Variants in JARID2 observed in about 807,000 individuals in gnomAD.
The protein encoded by JARID2 is jumonji and AT-rich interaction domain containing 2, also known as protein Jumonji.
A neutral mutation model predicts 125.6 loss-of-function variants in JARID2; 21 were observed. The ratio of observed to expected loss-of-function variants is 0.17; its 90% CI spans 0.12 to 0.24. The LOEUF (loss-of-function observed/expected upper bound fraction) is 0.24. JARID2 is among the 10% of genes least tolerant of loss of function. The pLI is 1.00. For missense variants in JARID2, 1,303 were observed against 1,639.6 expected (o/e 0.79, Z 3.55); for synonymous variants, 736 against 661.6 (o/e 1.11, Z -1.73).
chr6:15,351,171 G>A (rs1487878957), intron 1 of JARID2, among the ~76,000 whole-genome samples: 2 of 152,180 alleles, frequency 1.3e-5, no homozygotes, highest in African/African-American at 4.8e-5. Flanking sequence ...GGAAAATAGA[G>A]GTCACCCCAG....
chr6:15,438,954 C>T (rs1163761534), intron 3 of JARID2, among the ~76,000 whole-genome samples: 3 of 151,706 alleles, frequency 2.0e-5, no homozygotes, highest in Non-Finnish European at 4.4e-5. Flanking sequence ...ATCGCTTCAA[C>T]CCGGAAGGGG....
chr6:15,421,643 T>C (rs185014416), intron 3 of JARID2, among the ~76,000 whole-genome samples: 22 of 152,350 alleles, frequency 1.4e-4, no homozygotes, highest in African/African-American at 5.1e-4. Context: ...TTAATTCTTT[T>C]GAAATACCTG....
intron 6 of JARID2, 42 bp from the exon 7 acceptor site, chr6:15,496,090 A>T (rs773148441): frequency 1.3e-6 from 2 of 1,534,362 alleles, no homozygotes; most frequent in South Asian, 2.5e-5. Flanking sequence ...GGCAGGTACT[A>T]ATTCTGCGTT....
At chr6:15,257,424 C>T (rs1202269628) in intron 1 of JARID2, among the ~76,000 whole-genome samples, 1 of 152,130 alleles carries the variant, frequency 6.6e-6, no homozygotes, top group Non-Finnish European at 1.5e-5. Flanking sequence ...TTTTTGTTAC[C>T]TCCTGTTTGC....
At chr6:15,321,533 C>T (rs1190877193) in intron 1 of JARID2, among the ~76,000 whole-genome samples, 1 of 152,132 alleles carries the variant, frequency 6.6e-6, no homozygotes, top group Admixed American at 6.5e-5. Context: ...GCAGTGAAAT[C>T]AAGATCTCTA....
rs527591088 is a variant in JARID2 at position 15,506,496 on chromosome 6, C to T, written c.2542-640C>T. ...TGGGGGCTTATGAGTTAGGCTTCTT[C>T]CCTAAATGTGGTTCCAGCTTTACCA... is the stretch of plus-strand genomic sequence containing the variant. On this transcript the variant is annotated intron_variant, in intron 9 of 17. Transcript: ENST00000341776. Among the ~76,000 whole-genome samples the T allele has an allele frequency of 1.3e-5, 2 of 152,258 alleles. 1 individual carries two copies. Among genetic ancestry groups the T allele is most frequent in the South Asian group, 4.1e-4 (2 of 4,824 alleles).
chr6:15,436,141 C>T (rs1767191503), intron 3 of JARID2, among the ~76,000 whole-genome samples: 1 of 152,106 alleles, frequency 6.6e-6, no homozygotes, highest in African/African-American at 2.4e-5. Flanking sequence ...TGTCTATAGG[C>T]GGCTTGTGTT....
intron 4 of JARID2, among the ~76,000 whole-genome samples, chr6:15,456,576 A>G (rs1025466306): frequency 6.6e-6 from 1 of 151,926 alleles, no homozygotes; most frequent in African/African-American, 2.4e-5. Flanking sequence ...GAGTCATCCT[A>G]GCTTTAAAAT....
chr6:15,513,111 G>C, intron 15 of JARID2, 66 bp downstream of exon 15: 2 of 1,606,674 alleles, frequency 1.2e-6, no homozygotes, highest in Admixed American at 3.4e-5. Context: ...CTCACCCCCC[G>C]AGCAGGCCTC....
chr6:15,392,680 C>CTTTTTTTTTTTTTTT (rs35429221), intron 2 of JARID2, among the ~76,000 whole-genome samples: 2 of 120,900 alleles, frequency 1.7e-5, no homozygotes, highest in African/African-American at 6.5e-5. Context: ...GATTAAGAGA[C>CTTTTTTTTTTTTTTT]TTTTTTTTTT....
chr6:15,322,691 T>C (rs1023801434), intron 1 of JARID2, among the ~76,000 whole-genome samples: 1 of 152,182 alleles, frequency 6.6e-6, no homozygotes, highest in Non-Finnish European at 1.5e-5. Context: ...CTTCTCTCTT[T>C]AAGTCATTTA....
intron 3 of JARID2, among the ~76,000 whole-genome samples, chr6:15,439,092 A>G (rs72836328): frequency 0.014 from 2,158 of 150,172 alleles, 18 homozygotes; most frequent in Non-Finnish European, 0.022. Flanking sequence ...GGAACAGGGG[A>G]GAATGAGGCA....
chr6:15,254,080 C>T (rs890538069), intron 1 of JARID2, among the ~76,000 whole-genome samples: 3 of 152,164 alleles, frequency 2.0e-5, no homozygotes, highest in African/African-American at 7.2e-5. Flanking sequence ...GCAGTTTTGT[C>T]AGAAGTGTCC....
At chr6:15,382,915 A>C (rs1313060035) in intron 2 of JARID2, among the ~76,000 whole-genome samples, 1 of 152,060 alleles carries the variant, frequency 6.6e-6, no homozygotes, top group Non-Finnish European at 1.5e-5. Flanking sequence ...TTACATCATC[A>C]TTCCCATCCA....
chr6:15,248,837 C>G (rs1452289027), intron 1 of JARID2: 1 of 883,918 alleles, frequency 1.1e-6, no homozygotes, highest in Non-Finnish European at 1.4e-6. Flanking sequence ...GGCGGGGCGG[C>G]GGGGGGAGGA....
At chr6:15,272,981 G>A (rs1054946265) in intron 1 of JARID2, among the ~76,000 whole-genome samples, 4 of 152,084 alleles carry the variant, frequency 2.6e-5, no homozygotes, top group Non-Finnish European at 5.9e-5. Context: ...TCTTCCTGGA[G>A]TTAGGTTAAG....
At chr6:15,370,746 C>G (rs973991981) in intron 1 of JARID2, among the ~76,000 whole-genome samples, 2 of 152,158 alleles carry the variant, frequency 1.3e-5, no homozygotes, top group South Asian at 4.1e-4. Context: ...TTCTTCTGGC[C>G]TTCCTCTCCC....
chr6:15,512,716 G>A (rs1771339240), intron 14 of JARID2, among the ~76,000 whole-genome samples, 199 bp from the exon 15 acceptor site: 2 of 152,024 alleles, frequency 1.3e-5, no homozygotes. Context: ...GCTGCCTCTG[G>A]GTAGCGGCGA....
chr6:15,359,597 A>C (rs1427980532), intron 1 of JARID2, among the ~76,000 whole-genome samples: 1 of 152,120 alleles, frequency 6.6e-6, no homozygotes, highest in African/African-American at 2.4e-5. Context: ...AGTATAAATA[A>C]GGCTATCTGT....
Sources: allele counts gnomAD v4.1 joint callset (sites outside exome capture counted in the v4.1 genomes callset), GRCh38; gene constraint gnomAD v4.1.1; transcripts MANE v1.5; gene names NCBI Gene and HGNC (gene_info 2026-07-23, HGNC 2026-07-21).